The following TRABD2B variants were observed in gnomAD, a reference collection of about 807,000 sequenced individuals.
TRABD2B encodes the protein TraB domain containing 2B, also known as metalloprotease TIKI2.
Under a neutral mutation model 40.1 loss-of-function variants are expected in TRABD2B, and 14 were observed. The observed-to-expected ratio is 0.35, with a 90% CI of 0.23 to 0.55. The LOEUF (loss-of-function observed/expected upper bound fraction) is 0.55. Among genes scored for constraint, TRABD2B ranks in the 20% least tolerant of loss-of-function variants. The pLI is 0.90. For synonymous variants in TRABD2B, 263 were observed against 277.0 expected (o/e 0.95, Z 0.50); for missense variants, 541 against 648.6 (o/e 0.83, Z 1.80).
At chr1:47,787,772 GCATTCATTCATT>G (rs60604586) in intron 4 of TRABD2B, among the ~76,000 whole-genome samples, 1 of 151,728 alleles carries the variant, frequency 6.6e-6, no homozygotes, top group Non-Finnish European at 1.5e-5. Flanking sequence ...CAGGGTTGGT[GCATTCATTCATT>G]CATTCATTCA....
At chr1:47,908,126 A>T (rs1287472466) in intron 2 of TRABD2B, among the ~76,000 whole-genome samples, 2 of 152,222 alleles carry the variant, frequency 1.3e-5, no homozygotes, top group African/African-American at 2.4e-5. Flanking sequence ...GAAGATGTTC[A>T]TGATATATGG....
intron 2 of TRABD2B, among the ~76,000 whole-genome samples, chr1:47,866,230 C>T (rs377762507): frequency 1.4e-4 from 21 of 151,874 alleles, no homozygotes; most frequent in African/African-American, 3.9e-4. Flanking sequence ...GCTCTAAAGT[C>T]GATGTCCGAG....
At chr1:47,791,349 G>A (rs950713543) in intron 4 of TRABD2B, among the ~76,000 whole-genome samples, 1 of 152,206 alleles carries the variant, frequency 6.6e-6, no homozygotes, top group African/African-American at 2.4e-5. Context: ...GGCAAGGCTG[G>A]GTTGGTGGGG....
chr1:47,990,492 C>T (rs962606617), intron 2 of TRABD2B, among the ~76,000 whole-genome samples: 1 of 151,966 alleles, frequency 6.6e-6, no homozygotes, highest in African/African-American at 2.4e-5. Flanking sequence ...CAAGGGATGA[C>T]GAGTGGATAT....
chr1:47,856,685 C>A (rs752543514), intron 2 of TRABD2B, among the ~76,000 whole-genome samples: 2 of 152,232 alleles, frequency 1.3e-5, no homozygotes, highest in Non-Finnish European at 1.5e-5. Flanking sequence ...ACACTGTCCA[C>A]ACACAGCCTC....
rs893896902 is a variant in TRABD2B at position 47,794,854 on chromosome 1, T to C, written c.814-94A>G. On this transcript the variant is annotated intron_variant, in intron 3 of 6. Coordinates refer to ENST00000606738, the MANE Select transcript of TRABD2B (RefSeq NM_001194986.2). Reference sequence around the variant, plus strand: ...GTCACCCAGGTTGGAGTGCAGTGGCTCACTGCAGCCTCAACTCTCTGGCTC... The same window carrying C: ...GTCACCCAGGTTGGAGTGCAGTGGCCCACTGCAGCCTCAACTCTCTGGCTC... 14 of 1,211,974 alleles carry C rather than the reference T, an allele frequency of 1.2e-5. No homozygotes were observed. The South Asian group carries it at 2.2e-4, about 19-fold the overall frequency. The allele number at this position is 1,211,974 out of a possible 1,614,324, so 75.1% of individuals were successfully genotyped here.
rs1646093731 is a variant in TRABD2B, at chr1:47,996,482, C to A, written c.102+206G>T. Among the ~76,000 whole-genome samples, 1 of 152,128 alleles carries A rather than the reference C, an allele frequency of 6.6e-6. No homozygotes were observed. Among genetic ancestry groups the A allele is most frequent in the Non-Finnish European group, 1.5e-5 (1 of 68,008 alleles). The stretch of plus-strand genomic sequence containing the variant: ...GAGCGGCAGCGTGTGGAGAAGGAAC[C>A]GGAGAGGGAGCGCCCCTTCTCGCTC... On this transcript the variant is annotated intron_variant, in intron 1 of 6. Transcript: ENST00000606738. The surrounding 1 kb of genome is among the most constrained non-coding windows in gnomAD (Gnocchi z 4.6).
At chr1:47,909,500 GGAGGAGAA>G (rs1644724487) in intron 2 of TRABD2B, among the ~76,000 whole-genome samples, 1 of 117,484 alleles carries the variant, frequency 8.5e-6, no homozygotes, top group African/African-American at 3.1e-5. Flanking sequence ...AGGAGGAGAA[GGAGGAGAA>G]GGAGAAGGGG....
chr1:47,978,653 CGAT>C (rs976625633), intron 2 of TRABD2B, among the ~76,000 whole-genome samples: 4 of 152,162 alleles, frequency 2.6e-5, no homozygotes, highest in Non-Finnish European at 5.9e-5. Context: ...TGAATCCCAG[CGAT>C]GATGAGAGAC....
chr1:47,911,303 A>G (rs1644759828), intron 2 of TRABD2B, among the ~76,000 whole-genome samples: 1 of 152,138 alleles, frequency 6.6e-6, no homozygotes, highest in Admixed American at 6.5e-5. Flanking sequence ...ACCCTTGAGG[A>G]CCCACTCTGC....
At chr1:47,937,810 C>T (rs1043631000) in intron 2 of TRABD2B, among the ~76,000 whole-genome samples, 1 of 152,150 alleles carries the variant, frequency 6.6e-6, no homozygotes, top group Non-Finnish European at 1.5e-5. Context: ...CAGCTCATAC[C>T]ACCTGCAGCC....
At chr1:47,940,685 C>T (rs1263296605) in intron 2 of TRABD2B, among the ~76,000 whole-genome samples, 1 of 152,212 alleles carries the variant, frequency 6.6e-6, no homozygotes, top group East Asian at 1.9e-4. Flanking sequence ...GCCAGGGGGG[C>T]TTGCTGGACA....
intron 1 of TRABD2B, among the ~76,000 whole-genome samples, chr1:47,995,681 A>G (rs985670266): frequency 3.3e-5 from 5 of 152,166 alleles, no homozygotes; most frequent in Non-Finnish European, 5.9e-5. Flanking sequence ...AACTCATAAC[A>G]CTTTTCTGCC....
intron 3 of TRABD2B, among the ~76,000 whole-genome samples, chr1:47,796,299 C>T (rs530681199): frequency 1.3e-5 from 2 of 152,306 alleles, no homozygotes; most frequent in South Asian, 4.1e-4. Flanking sequence ...ACCTGGTGTC[C>T]CCTCTTCCAC....
At chr1:47,923,217 G>A (rs2352801) in intron 2 of TRABD2B, among the ~76,000 whole-genome samples, 40,471 of 152,170 alleles carry the variant, frequency 0.27, 5,475 homozygotes, top group African/African-American at 0.32. Flanking sequence ...CACGCCCCAT[G>A]CCAGTCATTC....
chr1:47,902,284 C>G (rs1466893013), intron 2 of TRABD2B, among the ~76,000 whole-genome samples: 2 of 152,138 alleles, frequency 1.3e-5, no homozygotes, highest in Non-Finnish European at 2.9e-5. Context: ...ATGTGCCTCT[C>G]TTGAAAACCA....
At chr1:47,993,798 C>T (rs1190991639) in intron 2 of TRABD2B, among the ~76,000 whole-genome samples, 2 of 152,208 alleles carry the variant, frequency 1.3e-5, no homozygotes, top group Non-Finnish European at 2.9e-5. Context: ...ACATGTAATA[C>T]TGCTGAAATA....
intron 2 of TRABD2B, among the ~76,000 whole-genome samples, chr1:47,878,349 T>C (rs1644254076): frequency 6.6e-6 from 1 of 152,130 alleles, no homozygotes; most frequent in Non-Finnish European, 1.5e-5. Context: ...TTTGTAAAAA[T>C]GTTTTCAGTG....
At chr1:47,773,340 C>T (rs1013062951) in intron 6 of TRABD2B, among the ~76,000 whole-genome samples, 5 of 152,240 alleles carry the variant, frequency 3.3e-5, no homozygotes, top group East Asian at 1.9e-4. Flanking sequence ...ATGCTGGGCA[C>T]GTGAACCAAA....
Sources: gnomAD v4.1 joint callset for allele counts (sites outside exome capture counted in the v4.1 genomes callset) on GRCh38, gnomAD v4.1.1 for gene constraint, Gnocchi (gnomAD v3.1) non-coding constraint, MANE v1.5 for transcripts, NCBI Gene and HGNC (gene_info 2026-07-23, HGNC 2026-07-21) for gene names.